CIB2: variants seen among roughly 807,000 people sequenced by gnomAD.
The protein encoded by CIB2 is calcium and integrin-binding family member 2.
CIB2 carries 19 observed loss-of-function variants against 23.1 expected under a neutral mutation model. The ratio of observed to expected loss-of-function variants is 0.82; its 90% CI spans 0.57 to 1.21. CIB2 has a LOEUF of 1.21. Among genes scored for constraint, CIB2 ranks in the 50% most tolerant of loss-of-function variants. The probability of loss-of-function intolerance (pLI) is 0.00; values close to 1 mark genes in which losing one functional copy is unlikely to be tolerated. For synonymous variants in CIB2, 94 were observed against 91.7 expected (o/e 1.03, Z -0.14); for missense variants, 220 against 241.5 (o/e 0.91, Z 0.59).
chr15:78,111,268 G>A lies in CIB2; in HGVS notation c.95C>T (p.Ser32Leu), dbSNP rs151260624. The change falls in exon 3 of 6, where the codon TCG becomes TTG. Residue 32 changes from serine to leucine, a missense_variant. Coordinates refer to ENST00000258930, the MANE Select transcript of CIB2 (RefSeq NM_006383.4). ...FNKKDILKLH[S>L]RFYELAPNLV... ...GTTGGGGGCCAGCTCATAGAATCGC[G>A]AATGCAGCCTTGGAGGAAAGCAGAG... 2.0e-5 allele frequency: 32 copies of A among 1,613,768 alleles called. No individual in the cohort carries two copies. The highest frequency in any genetic ancestry group is 1.2e-4 in the South Asian group (11 of 91,072).
chr15:78,109,083 G>T, intron 4 of CIB2, 152 bp downstream of exon 4: 1 of 855,492 alleles, frequency 1.2e-6, no homozygotes, highest in Non-Finnish European at 1.8e-6. Context: ...CGTCTCCCTT[G>T]GCCACCCCAC....
intron 1 of CIB2, among the ~76,000 whole-genome samples, chr15:78,126,804 C>T (rs1026154328): frequency 6.6e-6 from 1 of 152,210 alleles, no homozygotes; most frequent in South Asian, 2.1e-4. Context: ...TGCCATGAAC[C>T]TGCTCATCAA....
At chr15:78,128,424 C>T (rs902633571) in intron 1 of CIB2, among the ~76,000 whole-genome samples, 1 of 152,196 alleles carries the variant, frequency 6.6e-6, no homozygotes, top group African/African-American at 2.4e-5. Flanking sequence ...CACCTGTAAT[C>T]CCAACACTCT....
Position 78,123,480 on chromosome 15 carries a change from G to A in CIB2, c.86+225C>T, listed in dbSNP as rs7359294. On this transcript the variant is annotated intron_variant, in intron 2 of 5. Coordinates refer to ENST00000258930, the MANE Select transcript of CIB2 (RefSeq NM_006383.4). ...GAAACTACCCACCTGAAAGCTCATA[G>A]TAAGTAGATGTTCATTCCCCAGCAG... Among the ~76,000 whole-genome samples, 5,302 of 152,294 alleles carry A rather than the reference G, an allele frequency of 0.035. 138 individuals are homozygous for A. Among genetic ancestry groups the A allele is most frequent in the East Asian group, 0.15 (786 of 5,174 alleles).
At chr15:78,121,551 T>C (rs577654644) in intron 2 of CIB2, among the ~76,000 whole-genome samples, 16 of 152,286 alleles carry the variant, frequency 1.1e-4, no homozygotes, top group African/African-American at 3.8e-4. Context: ...GGTAATTGAA[T>C]CATGGGGGCA....
At chr15:78,130,981 G>C (rs948821387) in intron 1 of CIB2, among the ~76,000 whole-genome samples, 184 bp downstream of exon 1, 1 of 152,164 alleles carries the variant, frequency 6.6e-6, no homozygotes, top group Admixed American at 6.5e-5. Flanking sequence ...TTATTCCACC[G>C]GTGGGGAAAC....
chr15:78,115,542 T>C (rs1020221560), intron 2 of CIB2, among the ~76,000 whole-genome samples: 3 of 152,068 alleles, frequency 2.0e-5, no homozygotes, highest in Admixed American at 6.6e-5. Flanking sequence ...ATTACAAGCA[T>C]GAGCCACCGC....
At chr15:78,120,093 G>A (rs2074297894) in intron 2 of CIB2, among the ~76,000 whole-genome samples, 1 of 151,848 alleles carries the variant, frequency 6.6e-6, no homozygotes, top group African/African-American at 2.4e-5. Flanking sequence ...TTTAGAGACA[G>A]GGGTCTCACC....
chr15:78,115,232 T>C (rs1012869412), intron 2 of CIB2, among the ~76,000 whole-genome samples: 31 of 152,284 alleles, frequency 2.0e-4, no homozygotes, highest in Admixed American at 1.8e-3. Context: ...TTCTCAATTA[T>C]TTGAAATTTT....
Position 78,109,332 on chromosome 15 carries a change from C to T in CIB2, c.249G>A (p.Glu83=), listed in dbSNP as rs761645500. ...RIVAAFSEDG[E]GNLTFNDFVD... ...CAAAGTCGTTGAAAGTGAGGTTCCCCTCACCATCCTCGGAAAACGCCGCCA... is the reference window on the plus strand; with the variant it reads ...CAAAGTCGTTGAAAGTGAGGTTCCCTTCACCATCCTCGGAAAACGCCGCCA... The change falls in exon 4 of 6, where the codon GAG becomes GAA. Residue 83 remains glutamate, a synonymous_variant. Coordinates refer to ENST00000258930, the MANE Select transcript of CIB2 (RefSeq NM_006383.4). The T allele has an allele frequency of 1.7e-5, 28 of 1,614,042 alleles. No individual in the cohort carries two copies. Among genetic ancestry groups the T allele is most frequent in the Non-Finnish European group, 2.1e-5 (25 of 1,180,046 alleles).
intron 2 of CIB2, among the ~76,000 whole-genome samples, chr15:78,117,267 A>G (rs1368307770): frequency 8.2e-6 from 1 of 122,420 alleles, no homozygotes; most frequent in African/African-American, 2.6e-5. Context: ...AAAAAAAAAA[A>G]AAAAAAAAGT....
chr15:78,112,120 G>A (rs767482035), intron 2 of CIB2, among the ~76,000 whole-genome samples: 4 of 152,202 alleles, frequency 2.6e-5, no homozygotes, highest in African/African-American at 9.7e-5. Context: ...CCTCAAAGGT[G>A]TAAGGCATCC....
intron 1 of CIB2, among the ~76,000 whole-genome samples, chr15:78,127,399 A>G (rs1014578580): frequency 6.6e-6 from 1 of 152,144 alleles, no homozygotes; most frequent in African/African-American, 2.4e-5. Flanking sequence ...GAGGAGTGGA[A>G]GGGAGGGAAG....
At position 78,124,104 on chromosome 15, in the gene CIB2, C is replaced by A. The variant is rs1191286663; in HGVS notation, c.52-365G>T. ...ACAGGGAGGTGGCTGGGAGACAACT[C>A]CGAATGAGGACCCACAGGGCCACCT... On this transcript the variant is annotated intron_variant, in intron 1 of 5. Transcript: ENST00000258930. Among the ~76,000 whole-genome samples, 2 of 152,028 alleles carry A rather than the reference C, an allele frequency of 1.3e-5. 1 individual carries two copies. The highest frequency in any genetic ancestry group is 2.9e-5 in the Non-Finnish European group (2 of 67,976).
intron 2 of CIB2, among the ~76,000 whole-genome samples, chr15:78,112,030 C>T (rs1482434411): frequency 6.6e-6 from 1 of 152,158 alleles, no homozygotes; most frequent in Non-Finnish European, 1.5e-5. Flanking sequence ...CCTGGCCCTC[C>T]CTCCTCACTG....
chr15:78,110,217 A>G (rs1424779642), intron 3 of CIB2, among the ~76,000 whole-genome samples: 1 of 152,178 alleles, frequency 6.6e-6, no homozygotes, highest in Non-Finnish European at 1.5e-5. Context: ...CAGCCCTTCC[A>G]TCCCAACTGA....
In CIB2 at chr15:78,105,201, T is replaced by C. The variant is rs2074047028; in HGVS notation, c.*110A>G. 3 of 1,435,800 alleles carry C rather than the reference T, an allele frequency of 2.1e-6. No individual in the cohort carries two copies. The African/African-American group carries it at 4.3e-5, about 20-fold the overall frequency. The allele number at this position is 1,435,800 out of a possible 1,614,324, so 88.9% of individuals were successfully genotyped here. ...AAAGGGCCACAGGATATATTTGTGG[T>C]GTAAACCCCAGAGGCTGCCACTGCT... On this transcript the variant is annotated 3_prime_UTR_variant, in exon 6 of 6. Transcript: ENST00000258930.
intron 4 of CIB2, 57 bp downstream of exon 4, chr15:78,109,178 A>G: frequency 7.0e-7 from 1 of 1,437,188 alleles, no homozygotes. Flanking sequence ...AGACAGCCTA[A>G]GGGCCCCACA....
At position 78,131,129 on chromosome 15, in the gene CIB2, G is replaced by A. The variant is rs1398039746; in HGVS notation, c.51+36C>T. 3 of 1,545,340 alleles carry A rather than the reference G, an allele frequency of 1.9e-6. No individual in the cohort carries two copies. The highest frequency in any genetic ancestry group is 1.7e-6 in the Non-Finnish European group (2 of 1,143,674). On this transcript the variant is annotated intron_variant, in intron 1 of 5. Transcript: ENST00000258930. The surrounding 1 kb of genome is among the most constrained non-coding windows in gnomAD (Gnocchi z 5.8). ...GAAAAGGGAGGGGCGGCGGGGCGGCGGGGCCTGTGTTGGGGGCCGGGCGCG... is the reference window on the plus strand; with the variant it reads ...GAAAAGGGAGGGGCGGCGGGGCGGCAGGGCCTGTGTTGGGGGCCGGGCGCG...
Sources: allele counts gnomAD v4.1 joint callset (sites outside exome capture counted in the v4.1 genomes callset), GRCh38; gene constraint gnomAD v4.1.1; non-coding constraint Gnocchi (gnomAD v3.1); transcripts MANE v1.5; gene names NCBI Gene and HGNC (gene_info 2026-07-23, HGNC 2026-07-21).